COL25A1: variants seen among roughly 807,000 people sequenced by gnomAD.
The protein encoded by COL25A1 is collagen alpha-1(XXV) chain.
COL25A1 carries 103 observed loss-of-function variants against 128.4 expected under a neutral mutation model. The ratio of observed to expected loss-of-function variants is 0.80; its 90% CI spans 0.68 to 0.94. The LOEUF is 0.94. Ranked by LOEUF, COL25A1 falls within the 40% of genes least tolerant of loss-of-function variation. The pLI is 0.00. For synonymous variants in COL25A1, 279 were observed against 277.2 expected (o/e 1.01, Z -0.06); for missense variants, 745 against 840.0 (o/e 0.89, Z 1.40).
At chr4:108,825,983 G>A (rs1732331833) in intron 33 of COL25A1, among the ~76,000 whole-genome samples, 1 of 152,026 alleles carries the variant, frequency 6.6e-6, no homozygotes, top group South Asian at 2.1e-4. Context: ...TTCACGAGAG[G>A]TTACTTTGAT....
At position 108,848,581 on chromosome 4, in the gene COL25A1, T is replaced by C. The variant is rs182336536; in HGVS notation, c.1434+178A>G. Among the ~76,000 whole-genome samples the C allele has an allele frequency of 1.2e-3, 181 of 152,294 alleles. 2 individuals carry two copies. The highest frequency in any genetic ancestry group is 2.1e-3 in the Non-Finnish European group (140 of 68,016). On this transcript the variant is annotated intron_variant, in intron 27 of 37. Transcript: ENST00000399132. ...AAACTGAAGTATCATATGGCTTAGA[T>C]GTTTTTGCGAAGAAAACTAATGTCT... is the stretch of plus-strand genomic sequence containing the variant.
At chr4:109,162,263 A>G (rs1018783943) in intron 3 of COL25A1, among the ~76,000 whole-genome samples, 1 of 152,214 alleles carries the variant, frequency 6.6e-6, no homozygotes, top group African/African-American at 2.4e-5. Context: ...TTTTTGGTAC[A>G]TGCAAAGGCC....
chr4:109,148,285 T>C (rs1264651311), intron 3 of COL25A1, among the ~76,000 whole-genome samples: 4 of 152,154 alleles, frequency 2.6e-5, no homozygotes, highest in Non-Finnish European at 5.9e-5. Context: ...AAAATTGACA[T>C]AAAATGAGAT....
chr4:108,876,727 T>C (rs1170101833), intron 19 of COL25A1, among the ~76,000 whole-genome samples: 1 of 152,212 alleles, frequency 6.6e-6, no homozygotes. Context: ...AATACAGATA[T>C]CTCAGCCCTG....
chr4:109,131,341 C>T (rs1326286402), intron 3 of COL25A1, among the ~76,000 whole-genome samples: 1 of 151,066 alleles, frequency 6.6e-6, no homozygotes, highest in Non-Finnish European at 1.5e-5. Flanking sequence ...ATATGTGGTT[C>T]GCATTGTATT....
At chr4:109,192,709 C>A (rs1775716874) in intron 3 of COL25A1, among the ~76,000 whole-genome samples, 1 of 152,010 alleles carries the variant, frequency 6.6e-6, no homozygotes, top group South Asian at 2.1e-4. Flanking sequence ...AAAAAATTAG[C>A]CAGGTGTGGT....
chr4:108,830,890 C>T (rs1368323572), intron 32 of COL25A1, among the ~76,000 whole-genome samples: 3 of 152,238 alleles, frequency 2.0e-5, no homozygotes, highest in East Asian at 1.9e-4. Flanking sequence ...GCATCAGCAG[C>T]GTTGAGGCTT....
At chr4:109,038,672 T>C (rs1759579232) in intron 5 of COL25A1, among the ~76,000 whole-genome samples, 3 of 152,206 alleles carry the variant, frequency 2.0e-5, no homozygotes, top group Non-Finnish European at 2.9e-5. Flanking sequence ...TGAGAAGAGT[T>C]TGGTGGCTCT....
At chr4:108,998,988 G>C (rs1278874510) in intron 6 of COL25A1, among the ~76,000 whole-genome samples, 1 of 152,142 alleles carries the variant, frequency 6.6e-6, no homozygotes, top group Non-Finnish European at 1.5e-5. Context: ...AGACTTAAAT[G>C]TAAGACCTAA....
Position 108,971,587 on chromosome 4 carries a change from T to A in COL25A1, c.492+2780A>T, listed in dbSNP as rs553611651. The stretch of plus-strand genomic sequence containing the variant: ...AAGTGCAGTGTGTCTGAAGAGGACA[T>A]GGAGGACAGTGTGTGGCTGAGTGTT... On this transcript the variant is annotated intron_variant, in intron 8 of 37. Transcript: ENST00000399132. Among the ~76,000 whole-genome samples the A allele has an allele frequency of 1.6e-4, 25 of 152,274 alleles. 1 individual carries two copies. The South Asian group carries it at 3.9e-3, about 24-fold the overall frequency.
At chr4:109,126,141 T>C (rs1454513407) in intron 3 of COL25A1, among the ~76,000 whole-genome samples, 17 of 152,194 alleles carry the variant, frequency 1.1e-4, no homozygotes, top group Admixed American at 1.1e-3. Flanking sequence ...AAGAGGTTTT[T>C]TTTAAATCCC....
chr4:108,943,918 A>C (rs1054554003), intron 8 of COL25A1, among the ~76,000 whole-genome samples: 2 of 152,004 alleles, frequency 1.3e-5, no homozygotes, highest in South Asian at 4.1e-4. Flanking sequence ...TTCCCACCCA[A>C]ATTTATCTTG....
chr4:109,142,298 T>C (rs1216065199), intron 3 of COL25A1, among the ~76,000 whole-genome samples: 1 of 151,696 alleles, frequency 6.6e-6, no homozygotes, highest in African/African-American at 2.4e-5. Flanking sequence ...TGCTATGATA[T>C]CCATTTTTTG....
At chr4:108,816,595 C>T (rs1049217441) in intron 37 of COL25A1, among the ~76,000 whole-genome samples, 17 of 152,046 alleles carry the variant, frequency 1.1e-4, no homozygotes, top group Admixed American at 8.5e-4. Context: ...TGATCTCTTC[C>T]CTGCTTACAG....
chr4:109,084,627 T>A (rs1442420956), intron 3 of COL25A1, among the ~76,000 whole-genome samples: 1 of 152,196 alleles, frequency 6.6e-6, no homozygotes, highest in African/African-American at 2.4e-5. Context: ...TGTATGTTAT[T>A]ATACAAGCAA....
At chr4:108,851,705 G>T (rs1735797151) in intron 26 of COL25A1, among the ~76,000 whole-genome samples, 1 of 152,096 alleles carries the variant, frequency 6.6e-6, no homozygotes, top group Non-Finnish European at 1.5e-5. Flanking sequence ...TTTTTAGTTG[G>T]TATGTTTCAT....
At chr4:108,858,533 T>G (rs1056992646) in intron 24 of COL25A1, among the ~76,000 whole-genome samples, 2 of 152,114 alleles carry the variant, frequency 1.3e-5, no homozygotes, top group African/African-American at 4.8e-5. Context: ...CAGAAACCGG[T>G]CACTTAAAAA....
At chr4:108,987,618 C>T (rs1366880080) in intron 6 of COL25A1, among the ~76,000 whole-genome samples, 1 of 152,178 alleles carries the variant, frequency 6.6e-6, no homozygotes, top group Admixed American at 6.5e-5. Context: ...TCGTGATCCA[C>T]CCGCCTCTGC....
chr4:109,301,583 C>A (rs1725532321), intron 2 of COL25A1, 140 bp downstream of exon 2: 1 of 864,154 alleles, frequency 1.2e-6, no homozygotes, highest in Admixed American at 2.2e-5. Flanking sequence ...GAGCATAGAT[C>A]CTTGGCCAAC....
Sources: allele counts gnomAD v4.1 joint callset (sites outside exome capture counted in the v4.1 genomes callset), GRCh38; gene constraint gnomAD v4.1.1; transcripts MANE v1.5; gene names NCBI Gene and HGNC (gene_info 2026-07-23, HGNC 2026-07-21).